Variants in FYB1 observed in about 807,000 individuals in gnomAD.
FYB1 encodes FYN-binding protein 1.
Under a neutral mutation model 94.1 loss-of-function variants are expected in FYB1, and 41 were observed. The ratio of observed to expected loss-of-function variants is 0.44; its 90% CI spans 0.34 to 0.57. The LOEUF is 0.57. Among genes scored for constraint, FYB1 ranks in the 20% least tolerant of loss-of-function variants. The pLI, the probability that FYB1 is intolerant of heterozygous loss-of-function variation, is 0.02. For missense variants in FYB1, 1,050 were observed against 976.8 expected, an observed-to-expected ratio of 1.07 and a Z score of -1.00; for synonymous variants, 367 against 353.2, an observed-to-expected ratio of 1.04 and a Z score of -0.44.
chr5:39,131,030 G>T (rs1288034751), intron 9 of FYB1, among the ~76,000 whole-genome samples: 1 of 151,880 alleles, frequency 6.6e-6, no homozygotes, highest in East Asian at 1.9e-4. Context: ...AATATCTTTT[G>T]ACCACAGCAT....
intron 2 of FYB1, among the ~76,000 whole-genome samples, 164 bp downstream of exon 2, chr5:39,201,662 G>T (rs1350555240): frequency 6.6e-6 from 1 of 151,982 alleles, no homozygotes; most frequent in Non-Finnish European, 1.5e-5. Flanking sequence ...TACTTTCCCA[G>T]ACCTCCCACA....
intron 2 of FYB1, among the ~76,000 whole-genome samples, chr5:39,161,434 A>G (rs1047171337): frequency 6.6e-6 from 1 of 152,118 alleles, no homozygotes; most frequent in African/African-American, 2.4e-5. Context: ...CTCAAAGACA[A>G]CAGTTGTTAC....
At chr5:39,117,891 A>C (rs980929779) in intron 16 of FYB1, among the ~76,000 whole-genome samples, 1 of 151,960 alleles carries the variant, frequency 6.6e-6, no homozygotes, top group East Asian at 1.9e-4. Flanking sequence ...TTTATTTTCT[A>C]ATTTTTTCTG....
In FYB1 at chr5:39,148,158, TATA is replaced by T. The variant is rs1742884109; in HGVS notation, c.1292+5287_1292+5289del. Among the ~76,000 whole-genome samples the T allele has an allele frequency of 3.7e-3, 19 of 5,188 alleles. 1 individual carries two copies. Among genetic ancestry groups the T allele is most frequent in the East Asian group, 0.027 (7 of 256 alleles). 3.4% of individuals were successfully genotyped at this position (5,188 alleles called of 152,430 possible). A position where few individuals can be genotyped will look rare whatever the true frequency, so the allele number is the denominator to read the frequency against. ...ATATGTATATTATATGTATTTTTTA[TATA>T]TATATATATATATATATATATATAT... On this transcript the variant is annotated intron_variant, in intron 3 of 18. Coordinates refer to ENST00000512982, the MANE Select transcript of FYB1 (RefSeq NM_001465.6).
At chr5:39,178,723 T>C (rs1466212631) in intron 2 of FYB1, among the ~76,000 whole-genome samples, 2 of 152,196 alleles carry the variant, frequency 1.3e-5, no homozygotes, top group African/African-American at 2.4e-5. Flanking sequence ...ATGTTTCTGA[T>C]GACAACTGAG....
chr5:39,241,456 A>T (rs777526789), intron 1 of FYB1, among the ~76,000 whole-genome samples: 31 of 152,170 alleles, frequency 2.0e-4, no homozygotes, highest in Admixed American at 4.6e-4. Context: ...TATTCACATC[A>T]GCTTATTCCC....
At position 39,267,195 on chromosome 5, in the gene FYB1, C is replaced by T. The variant is rs139437922; in HGVS notation, c.-28+7208G>A. On this transcript the variant is annotated intron_variant, in intron 1 of 1. Coordinates refer to the FYB1 transcript ENST00000510188. ...TTAGCAATGCTAACTGCCAGTATTA[C>T]TCTCCTGCAATCACTAGGAGTTTCT... Among the ~76,000 whole-genome samples the T allele has an allele frequency of 3.2e-4, 48 of 152,318 alleles. No individual in the cohort carries two copies. The East Asian group carries it at 7.5e-3, about 24-fold the overall frequency.
intron 16 of FYB1, among the ~76,000 whole-genome samples, chr5:39,114,395 G>A (rs918713241): frequency 1.3e-5 from 2 of 152,184 alleles, no homozygotes; most frequent in Non-Finnish European, 2.9e-5. Context: ...GATAATGCCT[G>A]TAAAAGTGGC....
chr5:39,180,599 G>T (rs1309442872), intron 2 of FYB1, among the ~76,000 whole-genome samples: 1 of 152,182 alleles, frequency 6.6e-6, no homozygotes, highest in African/African-American at 2.4e-5. Context: ...CTCCTTAGGG[G>T]AAGAAAACAG....
At chr5:39,268,446 C>T (rs1379121908) in intron 1 of FYB1, among the ~76,000 whole-genome samples, 5 of 151,900 alleles carry the variant, frequency 3.3e-5, no homozygotes, top group South Asian at 2.1e-4. Flanking sequence ...TTTGTTGCCC[C>T]GGCTGGTCTT....
chr5:39,187,661 TC>T (rs1746961650), intron 2 of FYB1, among the ~76,000 whole-genome samples: 1 of 152,134 alleles, frequency 6.6e-6, no homozygotes, highest in African/African-American at 2.4e-5. Flanking sequence ...CATGGAGAGC[TC>T]CTAAAGGAAC....
intron 1 of FYB1, among the ~76,000 whole-genome samples, chr5:39,261,692 A>C (rs1380745796): frequency 6.6e-6 from 1 of 152,210 alleles, no homozygotes. Flanking sequence ...GATTGCAGTG[A>C]GCAGAGATCG....
chr5:39,163,092 A>C (rs1447110264), intron 2 of FYB1, among the ~76,000 whole-genome samples: 1 of 152,234 alleles, frequency 6.6e-6, no homozygotes, highest in Non-Finnish European at 1.5e-5. Flanking sequence ...AATCCTCGGC[A>C]GCCTTCAAGT....
intron 2 of FYB1, among the ~76,000 whole-genome samples, chr5:39,175,711 C>A (rs550896501): frequency 2.4e-4 from 37 of 151,704 alleles, no homozygotes; most frequent in African/African-American, 8.3e-4. Context: ...AGAAAGGAAT[C>A]TCAGAACTCA....
chr5:39,202,328 T>C lies in FYB1; in HGVS notation c.633A>G (p.Glu211=). 1 of 1,613,874 alleles carries C rather than the reference T, an allele frequency of 6.2e-7. No homozygotes were observed. Among genetic ancestry groups the C allele is most frequent in the Non-Finnish European group, 8.5e-7 (1 of 1,179,882 alleles). ...KPPLSTENSH[E]DESPMKNVSS... ...ACACATTCTTCATGGGGCTTTCGTC[T>C]TCATGGGAGTTCTCGGTACTTAGGG... The change falls in exon 2 of 19, where the codon GAA becomes GAG. Residue 211 remains glutamate, a synonymous_variant. Transcript: ENST00000512982.
Position 39,270,890 on chromosome 5 carries a change from T to C in FYB1, c.-28+3513A>G, listed in dbSNP as rs537190743. Reference sequence around the variant, plus strand: ...GATATTAAATTTTGCTATACATTATTAATGTTTTATATAACTTCTATATTT... The same window carrying C: ...GATATTAAATTTTGCTATACATTATCAATGTTTTATATAACTTCTATATTT... On this transcript the variant is annotated intron_variant, in intron 1 of 1. Transcript: ENST00000510188. 5.6e-5 allele frequency: 18 copies of C among 319,862 alleles called. No homozygotes were observed. In the South Asian group the frequency reaches 1.8e-3, roughly 31 times the overall value. The allele number at this position is 319,862 out of a possible 1,614,324, so 19.8% of individuals were successfully genotyped here.
intron 1 of FYB1, chr5:39,270,478 T>C: frequency 8.0e-7 from 1 of 1,255,496 alleles, no homozygotes. Context: ...AGGACCTGAC[T>C]GTGAAGCACC....
At chr5:39,213,991 C>G (rs1749644666) in intron 1 of FYB1, among the ~76,000 whole-genome samples, 1 of 150,854 alleles carries the variant, frequency 6.6e-6, no homozygotes, top group African/African-American at 2.5e-5. Flanking sequence ...ACAACTTCGT[C>G]TGAATGAAAA....
At position 39,126,147 on chromosome 5, in the gene FYB1, G is replaced by T. The variant is rs747059357; in HGVS notation, c.1908-12C>A. On this transcript the variant is annotated splice_polypyrimidine_tract_variant and intron_variant, in intron 11 of 18. Coordinates refer to ENST00000512982, the MANE Select transcript of FYB1 (RefSeq NM_001465.6). ...CCTGTAGTGTGGAGCTTTGGAGCAT[G>T]CAGGCATTGATCAGAATGTAATAAT... is the stretch of plus-strand genomic sequence containing the variant. The T allele has an allele frequency of 1.9e-6, 3 of 1,612,124 alleles. No individual in the cohort carries two copies. In the East Asian group the frequency reaches 6.7e-5, roughly 36 times the overall value.
Sources: gnomAD v4.1 joint callset for allele counts (sites outside exome capture counted in the v4.1 genomes callset) on GRCh38, gnomAD v4.1.1 for gene constraint, MANE v1.5 for transcripts, NCBI Gene and HGNC (gene_info 2026-07-23, HGNC 2026-07-21) for gene names.